RANGAP1: variants seen among roughly 807,000 people sequenced by gnomAD.
The protein encoded by RANGAP1 is Ran GTPase activating protein 1.
RANGAP1 carries 38 observed loss-of-function variants against 63.5 expected under a neutral mutation model. That is an observed-to-expected ratio of 0.60 (90% CI 0.46 to 0.78). RANGAP1 has a LOEUF of 0.78. Ranked by LOEUF, RANGAP1 falls within the 30% of genes least tolerant of loss-of-function variation. The pLI is 0.00. For missense variants in RANGAP1, 630 were observed against 740.3 expected, an observed-to-expected ratio of 0.85 and a Z score of 1.73; for synonymous variants, 329 against 310.5, an observed-to-expected ratio of 1.06 and a Z score of -0.63.
chr22:41,254,380 T>C lies in RANGAP1; in HGVS notation c.1188A>G (p.Glu396=). 6.2e-7 allele frequency: 1 copy of C among 1,613,716 alleles called. No homozygotes were observed. The highest frequency in any genetic ancestry group is 8.5e-7 in the Non-Finnish European group (1 of 1,179,664). The part of the protein sequence containing the change: ...EEEEEEEEEE[E]EPQQRGQGEK... ...CTCCCTGCCCTCGCTGCTGAGGCTC[T>C]TCTTCCTCCTCCTCCTCCTCTTCTT... is the stretch of plus-strand genomic sequence containing the variant. The change falls in exon 11 of 16, where the codon GAA becomes GAG. Residue 396 remains glutamate, a synonymous_variant. Transcript: ENST00000356244.
intron 3 of RANGAP1, among the ~76,000 whole-genome samples, chr22:41,269,217 T>G (rs893168401): frequency 1.3e-5 from 2 of 152,140 alleles, no homozygotes; most frequent in Non-Finnish European, 2.9e-5. Context: ...GTACCTGCTA[T>G]TACAGGCATG....
At chr22:41,283,865 G>C (rs935675746) in intron 1 of RANGAP1, among the ~76,000 whole-genome samples, 3 of 151,064 alleles carry the variant, frequency 2.0e-5, no homozygotes, top group African/African-American at 7.3e-5. Context: ...GTCATCTGAC[G>C]TACATTTTGA....
At chr22:41,282,974 C>T (rs2035573054) in intron 1 of RANGAP1, among the ~76,000 whole-genome samples, 1 of 152,142 alleles carries the variant, frequency 6.6e-6, no homozygotes, top group Non-Finnish European at 1.5e-5. Flanking sequence ...ACCCTGAATC[C>T]TCCCACCCCT....
At chr22:41,270,708 C>T (rs1043490093) in intron 3 of RANGAP1, among the ~76,000 whole-genome samples, 1 of 152,212 alleles carries the variant, frequency 6.6e-6, no homozygotes, top group African/African-American at 2.4e-5. Flanking sequence ...ACCGTACATA[C>T]TAAGGAAGCT....
rs1296952387 is a variant in RANGAP1 at position 41,268,113 on chromosome 22, T to G, written c.284A>C (p.Glu95Ala). 6.4e-7 allele frequency: 1 copy of G among 1,558,376 alleles called. No homozygotes were observed. The highest frequency in any genetic ancestry group is 1.4e-5 in the African/African-American group (1 of 73,360). ...SDMFTGRLRT[E>A]IPPALISLGE... The stretch of plus-strand genomic sequence containing the variant: ...TTCGCTTACCAGGGCTGGTGGGATC[T>G]CGGTCCGCAGCCTTCCCGTGAACAT... The change falls in exon 4 of 16, where the codon GAG becomes GCG. Residue 95 changes from glutamate (E) to alanine (A), a missense_variant. Glu to Ala is a moderately radical substitution (Grantham distance 107). Coordinates refer to ENST00000356244, the MANE Select transcript of RANGAP1 (RefSeq NM_002883.4).
chr22:41,271,423 G>A (rs1206558099), intron 3 of RANGAP1, among the ~76,000 whole-genome samples: 1 of 150,230 alleles, frequency 6.7e-6, no homozygotes, highest in Non-Finnish European at 1.5e-5. Flanking sequence ...AACGCCGGGT[G>A]CAGAGGCTCA....
At chr22:41,295,112 C>G in the RANGAP1 span, among the ~76,000 whole-genome samples, 1 of 149,740 alleles carries the variant, frequency 6.7e-6, no homozygotes, top group African/African-American at 2.5e-5. Flanking sequence ...CCTCCCCGTC[C>G]GGGAGGTGAG....
chr22:41,291,625 G>A, the RANGAP1 span, among the ~76,000 whole-genome samples: 2 of 147,154 alleles, frequency 1.4e-5, no homozygotes, highest in South Asian at 2.1e-4. Flanking sequence ...TAGGCCGGGC[G>A]CAGTGGCTCA....
In RANGAP1 at chr22:41,285,971, G is replaced by C. The variant is rs1330457637; in HGVS notation, c.-39+15C>G. The C allele has an allele frequency of 1.3e-5, 2 of 152,630 alleles. No individual in the cohort carries two copies. Among genetic ancestry groups the C allele is most frequent in the Non-Finnish European group, 2.9e-5 (2 of 68,474 alleles). 9.5% of individuals were successfully genotyped at this position (152,630 alleles called of 1,614,324 possible). A position where few individuals can be genotyped will look rare whatever the true frequency, so the allele number is the denominator to read the frequency against. On this transcript the variant is annotated intron_variant, in intron 1 of 15. Coordinates refer to ENST00000356244, the MANE Select transcript of RANGAP1 (RefSeq NM_002883.4). ...CAGGCAGGTGACGGGGAAAGGAAAG[G>C]GACCCTGACTCTACCGTAAACAGGC...
upstream of RANGAP1, among the ~76,000 whole-genome samples, chr22:41,290,231 T>C (rs1465244390): frequency 2.6e-4 from 3 of 11,588 alleles, no homozygotes; most frequent in Admixed American, 2.9e-3. Context: ...TATTATTACT[T>C]TTTTTTTTTT....
At chr22:41,262,902 G>A (rs2034255682) in intron 5 of RANGAP1, among the ~76,000 whole-genome samples, 1 of 152,152 alleles carries the variant, frequency 6.6e-6, no homozygotes, top group Non-Finnish European at 1.5e-5. Context: ...TTCTCATGGT[G>A]CATGGCACAG....
intron 10 of RANGAP1, 33 bp from the exon 11 acceptor site, chr22:41,254,527 C>G (rs867325320): frequency 1.3e-6 from 2 of 1,552,136 alleles, no homozygotes; most frequent in Middle Eastern, 1.7e-4. Context: ...CAGATCCTCT[C>G]TACCCAGCAG....
At chr22:41,285,456 G>A (rs1364223175) in intron 1 of RANGAP1, 11 of 967,774 alleles carry the variant, frequency 1.1e-5, no homozygotes, top group East Asian at 1.1e-4. Context: ...AGGGCTAATA[G>A]AGAAACATCC....
At chr22:41,255,738 G>GT (rs1341008457) in intron 10 of RANGAP1, among the ~76,000 whole-genome samples, 3 of 152,006 alleles carry the variant, frequency 2.0e-5, no homozygotes, top group Non-Finnish European at 4.4e-5. Flanking sequence ...GATGCCTAGT[G>GT]TATGACCTAG....
chr22:41,268,336 A>G lies in RANGAP1; in HGVS notation c.241-180T>C, dbSNP rs6002305. On this transcript the variant is annotated intron_variant, in intron 3 of 15. Coordinates refer to ENST00000356244, the MANE Select transcript of RANGAP1 (RefSeq NM_002883.4). ...AGTGGCGCGATCTCAGCTGATCACAATCTCCACCTCCCGGGTTCAAGCAAT... is the reference window on the plus strand; with the variant it reads ...AGTGGCGCGATCTCAGCTGATCACAGTCTCCACCTCCCGGGTTCAAGCAAT... Among the ~76,000 whole-genome samples, 140 of 152,072 alleles carry G rather than the reference A, an allele frequency of 9.2e-4. 1 individual carries two copies. In the Middle Eastern group the frequency reaches 0.01, roughly 11 times the overall value.
intron 1 of RANGAP1, chr22:41,281,615 T>A: frequency 1.0e-6 from 1 of 986,904 alleles, no homozygotes; most frequent in Non-Finnish European, 1.2e-6. Context: ...ACTGCACGTC[T>A]GGTTTCAACC....
In RANGAP1 at chr22:41,274,633, G is replaced by A. The variant is rs777958887; in HGVS notation, c.207C>T (p.Ile69=). The A allele has an allele frequency of 1.1e-5, 18 of 1,614,072 alleles. No homozygotes were observed. In the East Asian group the frequency reaches 1.6e-4, roughly 14 times the overall value. ...CCGACTTCTTCTCTAAGGCCTTGGC[G>A]ATGACCCTGGCTGCTTCCACGCCCA... ...NTVGVEAARV[I]AKALEKKSEL... is the part of the protein sequence containing the mutation. The change falls in exon 3 of 16, where the codon ATC becomes ATT. Residue 69 remains isoleucine (I), a synonymous_variant. Coordinates refer to ENST00000356244, the MANE Select transcript of RANGAP1 (RefSeq NM_002883.4).
At chr22:41,273,474 G>C (rs1032903348) in intron 3 of RANGAP1, among the ~76,000 whole-genome samples, 2 of 152,178 alleles carry the variant, frequency 1.3e-5, no homozygotes, top group East Asian at 3.9e-4. Context: ...CTAACCTTCA[G>C]GAGAACTTGC....
Position 41,259,811 on chromosome 22 carries a change from T to C in RANGAP1, c.615+1635A>G, listed in dbSNP as rs1011057198. ...TGAGGTCAGGAGTTTGAGACCAGCCTGGCTAACATGGTGAAACCCCATCTC... is the reference window on the plus strand; with the variant it reads ...TGAGGTCAGGAGTTTGAGACCAGCCCGGCTAACATGGTGAAACCCCATCTC... On this transcript the variant is annotated intron_variant, in intron 6 of 15. Coordinates refer to ENST00000356244, the MANE Select transcript of RANGAP1 (RefSeq NM_002883.4). Among the ~76,000 whole-genome samples, 8 of 152,334 alleles carry C rather than the reference T, an allele frequency of 5.3e-5. No homozygotes were observed. In the East Asian group the frequency reaches 1.3e-3, roughly 26 times the overall value.
Sources: allele counts gnomAD v4.1 joint callset (sites outside exome capture counted in the v4.1 genomes callset), GRCh38; gene constraint gnomAD v4.1.1; transcripts MANE v1.5; gene names NCBI Gene and HGNC (gene_info 2026-07-23, HGNC 2026-07-21).